The following MTAP variants were observed in gnomAD, a reference collection of about 807,000 sequenced individuals.
MTAP encodes the protein S-methyl-5'-thioadenosine phosphorylase.
In MTAP, 33 loss-of-function variants were observed where a neutral mutation model predicts 33.6. The observed-to-expected ratio is 0.98, with a 90% confidence interval of 0.74 to 1.31. The LOEUF is 1.31. Ranked by LOEUF, MTAP falls within the 40% of genes most tolerant of loss-of-function variation. The probability of loss-of-function intolerance (pLI) is 0.00; values close to 1 mark genes in which losing one functional copy is unlikely to be tolerated. For missense variants in MTAP, 367 were observed against 360.0 expected, an observed-to-expected ratio of 1.02 and a Z score of -0.16; for synonymous variants, 148 against 125.7, an observed-to-expected ratio of 1.18 and a Z score of -1.19.
At chr9:21,821,734 G>A (rs542850432) in intron 4 of MTAP, among the ~76,000 whole-genome samples, 46 of 152,090 alleles carry the variant, frequency 3.0e-4, no homozygotes, top group Middle Eastern at 6.8e-3. Context: ...GGTAGAATTC[G>A]GCTGTGAATC....
At chr9:21,822,902 T>C (rs1436652996) in intron 4 of MTAP, among the ~76,000 whole-genome samples, 1 of 152,242 alleles carries the variant, frequency 6.6e-6, no homozygotes, top group East Asian at 1.9e-4. Context: ...TTGTCTCTTT[T>C]GATCTTTGTT....
chr9:21,818,102 G>T lies in MTAP; in HGVS notation c.247G>T (p.Glu83Ter), dbSNP rs200018710. The T allele has an allele frequency of 1.1e-5, 18 of 1,613,846 alleles. No individual in the cohort carries two copies. Among genetic ancestry groups the T allele is most frequent in the Non-Finnish European group, 5.1e-6 (6 of 1,179,998 alleles). The stretch of plus-strand genomic sequence containing the variant: ...CCAGGCGAACATCTGGGCTTTGAAG[G>T]AAGAGGGCTGTACACATGTCATAGT... The part of the protein sequence containing the change: ...NYQANIWALK[E>*]EGCTHVIVTT... The change falls in exon 4 of 8, where the codon GAA becomes TAA. Residue 83 changes from glutamate (E) to a stop codon, truncating the protein, a stop_gained. Coordinates refer to ENST00000644715, the MANE Select transcript of MTAP (RefSeq NM_002451.4). LOFTEE classifies it high-confidence loss of function.
chr9:21,857,202 G>A (rs746829432), intron 6 of MTAP, among the ~76,000 whole-genome samples: 1 of 152,188 alleles, frequency 6.6e-6, no homozygotes, highest in Non-Finnish European at 1.5e-5. Flanking sequence ...AGGGAGGTCA[G>A]TGTCTATACA....
intron 1 of MTAP, among the ~76,000 whole-genome samples, chr9:21,805,992 G>A (rs542145753): frequency 6.6e-6 from 1 of 152,168 alleles, no homozygotes; most frequent in Non-Finnish European, 1.5e-5. Context: ...TGGAAATCAC[G>A]GATGCACAGT....
chr9:21,928,394 T>C (rs991388547), intron 1 of MTAP, among the ~76,000 whole-genome samples: 1 of 152,030 alleles, frequency 6.6e-6, no homozygotes, highest in Non-Finnish European at 1.5e-5. Flanking sequence ...AAAGGAGAGG[T>C]ACATACTCTG....
chr9:21,868,317 C>G (rs1825885782), downstream of MTAP, among the ~76,000 whole-genome samples: 1 of 152,172 alleles, frequency 6.6e-6, no homozygotes, highest in Non-Finnish European at 1.5e-5. Context: ...ATATCCAGTT[C>G]TGGGCACAAT....
intron 5 of MTAP, among the ~76,000 whole-genome samples, chr9:21,845,438 A>G (rs762701557): frequency 2.0e-5 from 3 of 152,042 alleles, no homozygotes; most frequent in Non-Finnish European, 4.4e-5. Flanking sequence ...AGTTGCAGGA[A>G]AAAAAAAGTA....
intron 1 of MTAP, among the ~76,000 whole-genome samples, chr9:21,914,103 A>G (rs1818633028): frequency 6.6e-6 from 1 of 152,238 alleles, no homozygotes; most frequent in South Asian, 2.1e-4. Context: ...ACCAGTTAGA[A>G]TGGCGATCAT....
intron 4 of MTAP, among the ~76,000 whole-genome samples, chr9:21,824,828 C>T (rs1302248768): frequency 2.0e-5 from 3 of 152,188 alleles, no homozygotes; most frequent in East Asian, 1.9e-4. Flanking sequence ...GCCTTGCCGC[C>T]GCCTTGCAGT....
intron 1 of MTAP, among the ~76,000 whole-genome samples, chr9:21,814,294 T>A (rs987742472): frequency 1.3e-5 from 2 of 152,252 alleles, no homozygotes; most frequent in African/African-American, 4.8e-5. Context: ...TTGTGTAACC[T>A]GACCTGAAAA....
At chr9:21,906,385 T>C (rs890296635) in intron 1 of MTAP, among the ~76,000 whole-genome samples, 1 of 152,088 alleles carries the variant, frequency 6.6e-6, no homozygotes, top group Non-Finnish European at 1.5e-5. Flanking sequence ...AACGTCAGAC[T>C]GAACACAACT....
chr9:21,809,366 G>A (rs992365413), intron 1 of MTAP, among the ~76,000 whole-genome samples: 4 of 151,946 alleles, frequency 2.6e-5, no homozygotes, highest in South Asian at 2.1e-4. Context: ...GGGGCCGGGC[G>A]CGGTGGCTCA....
chr9:21,917,405 T>C (rs1232679606), intron 1 of MTAP, among the ~76,000 whole-genome samples: 1 of 152,112 alleles, frequency 6.6e-6, no homozygotes, highest in Non-Finnish European at 1.5e-5. Flanking sequence ...GGTACTGCAA[T>C]GTTAGTAGGT....
intron 1 of MTAP, chr9:21,802,985 A>C (rs1393253429): frequency 1.1e-4 from 47 of 442,822 alleles, no homozygotes; most frequent in Non-Finnish European, 1.6e-4. Flanking sequence ...CCGCACCGCC[A>C]ACACACACAC....
At chr9:21,861,930 A>T in intron 7 of MTAP, 46 bp from the exon 8 acceptor site, 1 of 1,091,998 alleles carries the variant, frequency 9.2e-7, no homozygotes, top group Non-Finnish European at 1.4e-6. Flanking sequence ...ACATCTCAGT[A>T]ATTACGCCAA....
At chr9:21,857,616 C>T (rs1337863715) in intron 6 of MTAP, among the ~76,000 whole-genome samples, 1 of 152,196 alleles carries the variant, frequency 6.6e-6, no homozygotes, top group Non-Finnish European at 1.5e-5. Flanking sequence ...TAGCTAATAG[C>T]ACGAGCTTCC....
intron 5 of MTAP, among the ~76,000 whole-genome samples, chr9:21,849,203 A>AC: frequency 6.6e-6 from 1 of 152,324 alleles, no homozygotes; most frequent in East Asian, 1.9e-4. Context: ...CCACTATATT[A>AC]CCAACAATTT....
chr9:21,940,543 A>G (rs540891704), downstream of MTAP, among the ~76,000 whole-genome samples: 117 of 152,338 alleles, frequency 7.7e-4, no homozygotes, highest in Admixed American at 2.5e-3. Context: ...TTCCTCCAGT[A>G]TCTGGCTATG....
At chr9:21,836,236 A>C (rs578002105) in intron 4 of MTAP, among the ~76,000 whole-genome samples, 16 of 152,228 alleles carry the variant, frequency 1.1e-4, no homozygotes, top group Non-Finnish European at 1.8e-4. Flanking sequence ...TTAAGTCCAC[A>C]TAGCTAGTAG....
Sources: allele counts gnomAD v4.1 joint callset (sites outside exome capture counted in the v4.1 genomes callset), GRCh38; gene constraint gnomAD v4.1.1; transcripts MANE v1.5; gene names NCBI Gene and HGNC (gene_info 2026-07-23, HGNC 2026-07-21).